Variants in FAM184B observed in about 807,000 individuals in gnomAD.
The protein encoded by FAM184B is family with sequence similarity 184 member B.
In FAM184B, 111 loss-of-function variants were observed where a neutral mutation model predicts 135.9. The observed-to-expected ratio is 0.82, with a 90% CI of 0.70 to 0.96. The LOEUF (loss-of-function observed/expected upper bound fraction) is 0.96. Among genes scored for constraint, FAM184B ranks in the 40% least tolerant of loss-of-function variants. The pLI, the probability that FAM184B is intolerant of heterozygous loss-of-function variation, is 0.00. For synonymous variants in FAM184B, 552 were observed against 524.8 expected, an observed-to-expected ratio of 1.05 and a Z score of -0.71; for missense variants, 1,375 against 1,323.9, an observed-to-expected ratio of 1.04 and a Z score of -0.60.
intron 1 of FAM184B, among the ~76,000 whole-genome samples, chr4:17,732,434 C>A (rs1341369865): frequency 6.6e-6 from 1 of 151,898 alleles, no homozygotes; most frequent in Non-Finnish European, 1.5e-5. Context: ...ATCGATAGAC[C>A]GCTAGCAAGA....
chr4:17,739,103 A>G (rs899783452), intron 1 of FAM184B, among the ~76,000 whole-genome samples: 1 of 152,244 alleles, frequency 6.6e-6, no homozygotes, highest in African/African-American at 2.4e-5. Flanking sequence ...GCAAGGCACC[A>G]TCCTCTGAAT....
intron 1 of FAM184B, among the ~76,000 whole-genome samples, chr4:17,752,615 C>A (rs1000687018): frequency 3.3e-5 from 5 of 152,110 alleles, no homozygotes; most frequent in Admixed American, 6.6e-5. Context: ...AAGTGCATCC[C>A]AAAATCAGAC....
intron 1 of FAM184B, among the ~76,000 whole-genome samples, chr4:17,713,440 G>A (rs981914541): frequency 3.4e-4 from 52 of 152,284 alleles, no homozygotes; most frequent in African/African-American, 1.1e-3. Context: ...GTTAATTTCC[G>A]TGACCTTCTA....
chr4:17,659,812 A>G (rs1715871000), intron 9 of FAM184B, 146 bp downstream of exon 9: 2 of 1,151,804 alleles, frequency 1.7e-6, no homozygotes, highest in Non-Finnish European at 2.4e-6. Flanking sequence ...GAATGAATAA[A>G]TAAAACCAAG....
chr4:17,736,795 T>C (rs1046297829), intron 1 of FAM184B, among the ~76,000 whole-genome samples: 1 of 152,142 alleles, frequency 6.6e-6, no homozygotes, highest in Non-Finnish European at 1.5e-5. Context: ...GGAAATGAAG[T>C]CTCTAGCTGG....
chr4:17,776,563 C>T (rs367818415), intron 1 of FAM184B, among the ~76,000 whole-genome samples: 2,081 of 152,042 alleles, frequency 0.014, 54 homozygotes, highest in African/African-American at 0.047. Context: ...TAATTCTTTT[C>T]GTATTTTTAG....
intron 9 of FAM184B, 66 bp downstream of exon 9, chr4:17,659,892 C>A: frequency 6.5e-7 from 1 of 1,535,532 alleles, no homozygotes; most frequent in Non-Finnish European, 8.8e-7. Flanking sequence ...CATGCATTTC[C>A]AAGTTTGTAA....
At chr4:17,731,769 C>T (rs368708545) in intron 1 of FAM184B, among the ~76,000 whole-genome samples, 7 of 152,050 alleles carry the variant, frequency 4.6e-5, no homozygotes, top group South Asian at 2.1e-4. Context: ...GACAGATCAA[C>T]GAGACAGAAA....
chr4:17,710,104 T>C (rs1402516289), intron 1 of FAM184B, among the ~76,000 whole-genome samples: 2 of 152,032 alleles, frequency 1.3e-5, no homozygotes, highest in African/African-American at 2.4e-5. Flanking sequence ...GGCAGGCGGA[T>C]CACCTGAGGT....
At chr4:17,636,470 G>C (rs548562323) in intron 15 of FAM184B, 58 bp downstream of exon 15, 28 of 1,338,286 alleles carry the variant, frequency 2.1e-5, no homozygotes, top group Admixed American at 1.2e-4. Flanking sequence ...CGCCCCTCCC[G>C]GGGGAGCCCG....
chr4:17,663,715 A>G (rs1715974038), intron 8 of FAM184B, among the ~76,000 whole-genome samples: 1 of 151,506 alleles, frequency 6.6e-6, no homozygotes, highest in Non-Finnish European at 1.5e-5. Flanking sequence ...AGTCCTGCTG[A>G]TATGGTTAGG....
chr4:17,690,528 G>C (rs1560177260), intron 6 of FAM184B, among the ~76,000 whole-genome samples: 1 of 152,160 alleles, frequency 6.6e-6, no homozygotes, highest in Non-Finnish European at 1.5e-5. Context: ...AGAGAACGTG[G>C]AGGCAGAAAG....
intron 5 of FAM184B, among the ~76,000 whole-genome samples, chr4:17,699,219 G>A (rs936301847): frequency 2.1e-4 from 32 of 151,648 alleles, no homozygotes; most frequent in African/African-American, 7.7e-4. Flanking sequence ...CTGAAACAGA[G>A]AGACAAGGAA....
At chr4:17,770,725 C>G (rs1718802962) in intron 1 of FAM184B, among the ~76,000 whole-genome samples, 1 of 152,178 alleles carries the variant, frequency 6.6e-6, no homozygotes, top group African/African-American at 2.4e-5. Context: ...CTCGGCCTCC[C>G]AAAGTGCTGG....
At chr4:17,691,710 A>G (rs1233250675) in intron 6 of FAM184B, among the ~76,000 whole-genome samples, 2 of 151,188 alleles carry the variant, frequency 1.3e-5, no homozygotes, top group African/African-American at 2.4e-5. Flanking sequence ...AAAGAAAGGA[A>G]AAAAAAGAGC....
At chr4:17,761,424 C>T (rs935067477) in intron 1 of FAM184B, among the ~76,000 whole-genome samples, 7 of 152,200 alleles carry the variant, frequency 4.6e-5, no homozygotes, top group African/African-American at 1.7e-4. Context: ...TTAAGCTATC[C>T]ACTCTGTGGC....
chr4:17,739,496 G>C (rs1260220234), intron 1 of FAM184B, among the ~76,000 whole-genome samples: 3 of 147,084 alleles, frequency 2.0e-5, no homozygotes, highest in Non-Finnish European at 4.5e-5. Flanking sequence ...GGGCAGCATG[G>C]CAGAGCAGAA....
At chr4:17,756,036 A>G (rs1322554863) in intron 1 of FAM184B, among the ~76,000 whole-genome samples, 2 of 152,192 alleles carry the variant, frequency 1.3e-5, no homozygotes, top group African/African-American at 4.8e-5. Flanking sequence ...AAACCTGCAA[A>G]TCCTGCACAT....
chr4:17,743,829 C>T (rs80249796), intron 1 of FAM184B, among the ~76,000 whole-genome samples: 1 of 152,166 alleles, frequency 6.6e-6, no homozygotes, highest in African/African-American at 2.4e-5. Flanking sequence ...ACTAACTTGA[C>T]CACTTAAAAC....
Sources: gnomAD v4.1 joint callset for allele counts (sites outside exome capture counted in the v4.1 genomes callset) on GRCh38, gnomAD v4.1.1 for gene constraint, MANE v1.5 for transcripts, NCBI Gene and HGNC (gene_info 2026-07-23, HGNC 2026-07-21) for gene names.